Variants in KLF15 observed in about 807,000 individuals in gnomAD.
KLF15 encodes KLF transcription factor 15.
KLF15 carries 4 observed loss-of-function variants against 24.6 expected under a neutral mutation model. The ratio of observed to expected loss-of-function variants is 0.16; its 90% CI spans 0.08 to 0.37. The LOEUF is 0.37. Among genes scored for constraint, KLF15 ranks in the 10% least tolerant of loss-of-function variants. The probability of loss-of-function intolerance (pLI) is 1.00; values close to 1 mark genes in which losing one functional copy is unlikely to be tolerated. For missense variants in KLF15, 496 were observed against 560.6 expected (o/e 0.88, Z 1.16); for synonymous variants, 246 against 236.3 (o/e 1.04, Z -0.37).
At chr3:126,315,929 C>A in the KLF15 span, among the ~76,000 whole-genome samples, 1 of 152,162 alleles carries the variant, frequency 6.6e-6, no homozygotes, top group Non-Finnish European at 1.5e-5. Flanking sequence ...CCTCTGACAA[C>A]TAGGTCATGG....
chr3:126,322,760 T>A, the KLF15 span, among the ~76,000 whole-genome samples: 1 of 152,188 alleles, frequency 6.6e-6, no homozygotes, highest in African/African-American at 2.4e-5. Flanking sequence ...CCCACGCCAT[T>A]TGCTTGATAA....
the KLF15 span, among the ~76,000 whole-genome samples, chr3:126,288,660 A>C: frequency 6.6e-6 from 1 of 152,240 alleles, no homozygotes; most frequent in Non-Finnish European, 1.5e-5. Flanking sequence ...TGGCTGCGCC[A>C]ACAGGACGCG....
chr3:126,295,686 G>C, the KLF15 span, among the ~76,000 whole-genome samples: 1 of 152,180 alleles, frequency 6.6e-6, no homozygotes, highest in African/African-American at 2.4e-5. Flanking sequence ...CTTTAGTCAG[G>C]CTTCTGAACC....
chr3:126,304,365 G>T, the KLF15 span, among the ~76,000 whole-genome samples: 1 of 152,274 alleles, frequency 6.6e-6, no homozygotes, highest in East Asian at 1.9e-4. Flanking sequence ...AGGTTTCCTA[G>T]ACTGGCTGGT....
At chr3:126,290,271 TGGG>T in the KLF15 span, among the ~76,000 whole-genome samples, 4 of 152,170 alleles carry the variant, frequency 2.6e-5, no homozygotes, top group Non-Finnish European at 4.4e-5. Context: ...AATCTCATAG[TGGG>T]GACTGCCAGC....
At chr3:126,346,492 A>G (rs149756402) in intron 2 of KLF15, among the ~76,000 whole-genome samples, 6 of 152,280 alleles carry the variant, frequency 3.9e-5, no homozygotes, top group East Asian at 1.9e-4. Context: ...CATTCATCCA[A>G]TGAAGACTCT....
In KLF15 at chr3:126,356,054, C is replaced by G. The variant is rs1158838604; in HGVS notation, c.-26+1183G>C. Among the ~76,000 whole-genome samples, 1 of 152,202 alleles carries G rather than the reference C, an allele frequency of 6.6e-6. No individual in the cohort carries two copies. The highest frequency in any genetic ancestry group is 2.4e-5 in the African/African-American group (1 of 41,460). ...CCCTCCCCTGGCCCGGCCAGGCCTG[C>G]TGTTTATCCTCCCGGGGACACAGCG... On this transcript the variant is annotated intron_variant, in intron 1 of 2. Transcript: ENST00000296233. The surrounding 1 kb of genome is among the most constrained non-coding windows in gnomAD (Gnocchi z 4.4).
At chr3:126,320,363 A>G in the KLF15 span, among the ~76,000 whole-genome samples, 1 of 152,260 alleles carries the variant, frequency 6.6e-6, no homozygotes, top group African/African-American at 2.4e-5. Context: ...GTAGCCATGA[A>G]TGAAATTGAC....
chr3:126,348,353 G>A (rs185816234), intron 2 of KLF15, among the ~76,000 whole-genome samples: 86 of 152,290 alleles, frequency 5.6e-4, no homozygotes, highest in Non-Finnish European at 1.1e-3. Flanking sequence ...TATCTCGATT[G>A]TGGTCGTTAG....
intron 2 of KLF15, among the ~76,000 whole-genome samples, chr3:126,345,151 C>G (rs544798172): frequency 6.6e-6 from 1 of 152,188 alleles, no homozygotes; most frequent in Non-Finnish European, 1.5e-5. Flanking sequence ...GAGCTCAGCT[C>G]GAATGTCACT....
At chr3:126,342,161 T>C (rs767071013), downstream of KLF15, among the ~76,000 whole-genome samples, 1 of 152,216 alleles carries the variant, frequency 6.6e-6, no homozygotes, top group Non-Finnish European at 1.5e-5. Flanking sequence ...TCAGGATTCC[T>C]AACACTTTCA....
chr3:126,339,542 CA>C (rs2107547955), downstream of KLF15, among the ~76,000 whole-genome samples: 1 of 152,164 alleles, frequency 6.6e-6, no homozygotes, highest in East Asian at 1.9e-4. Flanking sequence ...GCCCCATTTT[CA>C]TCTCTGTTCA....
the KLF15 span, among the ~76,000 whole-genome samples, chr3:126,334,107 A>C: frequency 1.3e-5 from 2 of 151,998 alleles, no homozygotes; most frequent in Admixed American, 1.3e-4. Context: ...ACCCCAAATC[A>C]ACACAATATA....
At chr3:126,308,480 G>T in the KLF15 span, among the ~76,000 whole-genome samples, 2 of 152,202 alleles carry the variant, frequency 1.3e-5, no homozygotes, top group Non-Finnish European at 2.9e-5. Context: ...TGAGGGAGCT[G>T]CACGTCCCGG....
At chr3:126,353,271 G>A (rs1027318492) in intron 1 of KLF15, among the ~76,000 whole-genome samples, 7 of 152,310 alleles carry the variant, frequency 4.6e-5, no homozygotes, top group South Asian at 2.1e-4. Flanking sequence ...GGGCATGCGC[G>A]AGGAGGCTCT....
At chr3:126,315,374 A>G in the KLF15 span, among the ~76,000 whole-genome samples, 1 of 152,140 alleles carries the variant, frequency 6.6e-6, no homozygotes, top group Non-Finnish European at 1.5e-5. Context: ...TTCAACAGTA[A>G]CGCACTGTGT....
the KLF15 span, among the ~76,000 whole-genome samples, chr3:126,317,686 C>G: frequency 1.6e-4 from 24 of 152,266 alleles, no homozygotes; most frequent in Admixed American, 1.4e-3. Flanking sequence ...CCCCTGGAAG[C>G]CTGCCAACAT....
downstream of KLF15, among the ~76,000 whole-genome samples, chr3:126,340,905 A>AC (rs77635827): frequency 0.64 from 97,376 of 152,020 alleles, 31,322 homozygotes; most frequent in South Asian, 0.67. Flanking sequence ...TGCAGCAGGA[A>AC]CCTGGGGGTG....
At chr3:126,338,320 G>T (rs7620257), downstream of KLF15, among the ~76,000 whole-genome samples, 2 of 152,318 alleles carry the variant, frequency 1.3e-5, no homozygotes, top group Non-Finnish European at 2.9e-5. Flanking sequence ...CAGCATGACC[G>T]TCCACGCCTT....
Sources: allele counts gnomAD v4.1 joint callset (sites outside exome capture counted in the v4.1 genomes callset), GRCh38; gene constraint gnomAD v4.1.1; non-coding constraint Gnocchi (gnomAD v3.1); transcripts MANE v1.5; gene names NCBI Gene and HGNC (gene_info 2026-07-23, HGNC 2026-07-21).